CDH4: variants seen among roughly 807,000 people sequenced by gnomAD.
CDH4 encodes the protein cadherin 4, also known as cadherin-4.
In CDH4, 33 loss-of-function variants were observed where a neutral mutation model predicts 86.0. The ratio of observed to expected loss-of-function variants is 0.38; its 90% CI spans 0.29 to 0.51. The LOEUF (loss-of-function observed/expected upper bound fraction) is 0.51. CDH4 is among the 20% of genes least tolerant of loss of function. The pLI is 0.86. For missense variants in CDH4, 1,114 were observed against 1,307.4 expected (o/e 0.85, Z 2.28); for synonymous variants, 555 against 549.4 (o/e 1.01, Z -0.14).
intron 2 of CDH4, among the ~76,000 whole-genome samples, chr20:61,523,106 T>C (rs1309980801): frequency 6.6e-6 from 1 of 152,210 alleles, no homozygotes; most frequent in African/African-American, 2.4e-5. Flanking sequence ...TGTCCAGAGC[T>C]GGCCAGCACT....
chr20:61,320,232 G>A (rs1050751620), intron 2 of CDH4, among the ~76,000 whole-genome samples: 3 of 152,186 alleles, frequency 2.0e-5, no homozygotes, highest in South Asian at 2.1e-4. Flanking sequence ...TATGCATGCT[G>A]ACTGTGTCTT....
rs534974250 is a variant in CDH4 at position 61,808,341 on chromosome 20, A to AAAAT, written c.576+35184_576+35187dup. 9.5e-3 allele frequency among the ~76,000 whole-genome samples: 1,436 copies of AAAAT among 151,850 alleles called. 15 individuals are homozygous for AAAAT. Among genetic ancestry groups the AAAAT allele is most frequent in the African/African-American group, 0.015 (627 of 41,466 alleles). On this transcript the variant is annotated intron_variant, in intron 4 of 15. Transcript: ENST00000614565. Reference sequence around the variant, plus strand: ...TTCAAATGTAGCAACACCAGCTGCAAAAATAAATAAATAAATAAATAAATA... The same window carrying AAAAT: ...TTCAAATGTAGCAACACCAGCTGCAAAAATAAATAAATAAATAAATAAATAAATA...
At chr20:61,424,795 G>C (rs2427091) in intron 2 of CDH4, among the ~76,000 whole-genome samples, 31,040 of 151,904 alleles carry the variant, frequency 0.2, 4,037 homozygotes, top group East Asian at 0.43. Context: ...CTGTGCTGTG[G>C]GCATTTGCCC....
At chr20:61,624,788 G>A (rs2086813974) in intron 2 of CDH4, among the ~76,000 whole-genome samples, 1 of 152,240 alleles carries the variant, frequency 6.6e-6, no homozygotes, top group Non-Finnish European at 1.5e-5. Flanking sequence ...AGGAAGAAGA[G>A]TCGGGGCATT....
intron 5 of CDH4, among the ~76,000 whole-genome samples, chr20:61,850,688 G>A (rs890670692): frequency 5.3e-5 from 8 of 152,248 alleles, no homozygotes; most frequent in African/African-American, 1.2e-4. Context: ...CTGACGCTCC[G>A]ATTTGCAGGT....
chr20:61,427,456 G>A (rs574628089), intron 2 of CDH4, among the ~76,000 whole-genome samples: 11 of 152,002 alleles, frequency 7.2e-5, no homozygotes, highest in African/African-American at 2.7e-4. Flanking sequence ...CTGGATCTGT[G>A]TGCCATCCTG....
At chr20:61,780,679 C>A (rs930880359) in intron 4 of CDH4, among the ~76,000 whole-genome samples, 1 of 152,124 alleles carries the variant, frequency 6.6e-6, no homozygotes, top group African/African-American at 2.4e-5. Context: ...ACTATAAATT[C>A]TAGGGGAAAA....
At position 61,676,330 on chromosome 20, in the gene CDH4, G is replaced by A. The variant is rs1444835044; in HGVS notation, c.170-67233G>A. Among the ~76,000 whole-genome samples, 27 of 152,150 alleles carry A rather than the reference G, an allele frequency of 1.8e-4. No homozygotes were observed. On this transcript the variant is annotated intron_variant, in intron 2 of 15. Coordinates refer to ENST00000614565, the MANE Select transcript of CDH4 (RefSeq NM_001794.5). The surrounding 1 kb of genome is among the most constrained non-coding windows in gnomAD (Gnocchi z 4.5). ...ATGAATAGTGCGATTGAATACTGCG[G>A]CCCCCAGAGGAGGTGGGATTGCATT...
At chr20:61,499,002 G>A (rs1269828326) in intron 2 of CDH4, among the ~76,000 whole-genome samples, 1 of 152,192 alleles carries the variant, frequency 6.6e-6, no homozygotes, top group East Asian at 1.9e-4. Context: ...TGAGCCTTGA[G>A]TAGGAGATGG....
In CDH4 at chr20:61,929,762, C is replaced by A; in HGVS notation, c.2159C>A (p.Thr720Asn). 6.2e-7 allele frequency: 1 copy of A among 1,614,184 alleles called. No homozygotes were observed. Among genetic ancestry groups the A allele is most frequent in the Non-Finnish European group, 8.5e-7 (1 of 1,180,044 alleles). The change falls in exon 13 of 16, where the codon ACC becomes AAC. Residue 720 changes from threonine to asparagine, a missense_variant. Physicochemically the swap from Thr to Asn is moderately conservative, Grantham distance 65. Around this residue, in one of 3 missense-constraint regions of CDH4, gnomAD observed 705 missense variants for 914.1 expected, o/e 0.77. Transcript: ENST00000614565. ...CCATGTGATGACAACGGGGACTGCA[C>A]CACCATTGGCGCAGTGGCAGCGGCT... ...VCPCDDNGDCTTIGAVAAAGL... is the reference protein window; with the variant it reads ...VCPCDDNGDCNTIGAVAAAGL...
chr20:61,660,702 A>G (rs1297327312), intron 2 of CDH4, among the ~76,000 whole-genome samples: 1 of 152,160 alleles, frequency 6.6e-6, no homozygotes, highest in Non-Finnish European at 1.5e-5. Context: ...TGGGTCCCAG[A>G]AGGCCTAGTC....
At chr20:61,856,219 G>C (rs376153792) in intron 6 of CDH4, among the ~76,000 whole-genome samples, 1 of 152,348 alleles carries the variant, frequency 6.6e-6, no homozygotes, top group South Asian at 2.1e-4. Flanking sequence ...GGTAATGAAG[G>C]GTTTCAGATG....
rs73611508 is a variant in CDH4 at position 61,256,175 on chromosome 20, A to G, written c.169+1238A>G. On this transcript the variant is annotated intron_variant, in intron 2 of 15. Transcript: ENST00000614565. ...TTTGGTTTACTGAGAATCTCAGTGGACTCCCAGAGAAGGCCTGAGGGGATC... is the reference window on the plus strand; with the variant it reads ...TTTGGTTTACTGAGAATCTCAGTGGGCTCCCAGAGAAGGCCTGAGGGGATC... Among the ~76,000 whole-genome samples the G allele has an allele frequency of 7.4e-3, 1,125 of 152,002 alleles. 38 individuals carry two copies. In the East Asian group the frequency reaches 0.093, roughly 13 times the overall value.
At chr20:61,746,988 C>G (rs1026809315) in intron 3 of CDH4, among the ~76,000 whole-genome samples, 5 of 152,188 alleles carry the variant, frequency 3.3e-5, no homozygotes, top group Admixed American at 1.3e-4. Context: ...GGCCGCCTGC[C>G]AGAAGCAACT....
Position 61,424,145 on chromosome 20 carries a change from T to C in CDH4, c.169+169208T>C, listed in dbSNP as rs149130994. On this transcript the variant is annotated intron_variant, in intron 2 of 15. Coordinates refer to ENST00000614565, the MANE Select transcript of CDH4 (RefSeq NM_001794.5). Reference sequence around the variant, plus strand: ...CACATGTATCCACACACAGCACACATGTATACACACATATCCACACATATG... The same window carrying C: ...CACATGTATCCACACACAGCACACACGTATACACACATATCCACACATATG... Among the ~76,000 whole-genome samples the C allele has an allele frequency of 1.3e-4, 19 of 143,036 alleles. No homozygotes were observed. In the East Asian group the frequency reaches 3.6e-3, roughly 27 times the overall value. 93.8% of individuals were successfully genotyped at this position (143,036 alleles called of 152,430 possible).
chr20:61,684,783 C>T lies in CDH4; in HGVS notation c.170-58780C>T, dbSNP rs548725333. 5.3e-5 allele frequency among the ~76,000 whole-genome samples: 8 copies of T among 152,260 alleles called. No individual in the cohort carries two copies. The East Asian group carries it at 5.8e-4, about 11-fold the overall frequency. ...CCTCCCTCAATCTGCAGCCCACAGCCGCCTGCCGTGACCACCCCTCGATGT... is the reference window on the plus strand; with the variant it reads ...CCTCCCTCAATCTGCAGCCCACAGCTGCCTGCCGTGACCACCCCTCGATGT... On this transcript the variant is annotated intron_variant, in intron 2 of 15. Transcript: ENST00000614565. This position sits in a 1 kb window ranked among gnomAD's most constrained non-coding sequence, Gnocchi z 4.5.
At chr20:61,548,973 C>T (rs1192814551) in intron 2 of CDH4, among the ~76,000 whole-genome samples, 1 of 151,260 alleles carries the variant, frequency 6.6e-6, no homozygotes, top group East Asian at 1.9e-4. Flanking sequence ...CTACAAATGC[C>T]TTCGGGTCTC....
chr20:61,770,804 G>A (rs1176667073), intron 3 of CDH4, among the ~76,000 whole-genome samples: 1 of 151,068 alleles, frequency 6.6e-6, no homozygotes, highest in Non-Finnish European at 1.5e-5. Flanking sequence ...AATGGCATGA[G>A]CCCGGGAGGC....
intron 2 of CDH4, among the ~76,000 whole-genome samples, chr20:61,292,574 C>T (rs945751176): frequency 3.9e-5 from 6 of 152,202 alleles, no homozygotes; most frequent in African/African-American, 1.4e-4. Context: ...GCTGGAGCTG[C>T]CGCAGAAGGT....
Sources: gnomAD v4.1 joint callset for allele counts (sites outside exome capture counted in the v4.1 genomes callset) on GRCh38, gnomAD v4.1.1 for gene constraint, gnomAD v4.1.1 regional missense constraint, Gnocchi (gnomAD v3.1) non-coding constraint, MANE v1.5 for transcripts, NCBI Gene and HGNC (gene_info 2026-07-23, HGNC 2026-07-21) for gene names.